The following AGTPBP1 variants were observed in gnomAD, a reference collection of about 807,000 sequenced individuals.
AGTPBP1 encodes cytosolic carboxypeptidase 1.
Under a neutral mutation model 143.9 loss-of-function variants are expected in AGTPBP1, and 70 were observed. The ratio of observed to expected loss-of-function variants is 0.49; its 90% CI spans 0.40 to 0.59. AGTPBP1 has a LOEUF of 0.59. AGTPBP1 is among the 20% of genes least tolerant of loss of function. AGTPBP1 has a pLI of 0.00. For missense variants in AGTPBP1, 1,229 were observed against 1,464.5 expected (o/e 0.84, Z 2.62); for synonymous variants, 463 against 500.2 (o/e 0.93, Z 0.99).
intron 25 of AGTPBP1, among the ~76,000 whole-genome samples, chr9:85,552,802 G>A (rs13302199): frequency 0.039 from 5,977 of 152,230 alleles, 149 homozygotes; most frequent in Middle Eastern, 0.12. Context: ...CTTTAACTCT[G>A]AACTCTTAAC....
chr9:85,716,609 A>G (rs563897888), intron 1 of AGTPBP1, among the ~76,000 whole-genome samples: 1 of 152,268 alleles, frequency 6.6e-6, no homozygotes, highest in South Asian at 2.1e-4. Flanking sequence ...TGATAATTCT[A>G]CTTTTAAAAT....
rs76452090 is a variant in AGTPBP1 at position 85,630,191 on chromosome 9, G to A, written c.2015+2471C>T. 3.9e-3 allele frequency among the ~76,000 whole-genome samples: 601 copies of A among 152,250 alleles called. 11 individuals carry two copies. The highest frequency in any genetic ancestry group is 0.029 in the Admixed American group (446 of 15,286). Reference sequence around the variant, plus strand: ...GACTCTGACTCACTCCAGGTGGGTCGTTCAGATTCTTCAAAAAGCAGATGC... The same window carrying A: ...GACTCTGACTCACTCCAGGTGGGTCATTCAGATTCTTCAAAAAGCAGATGC... On this transcript the variant is annotated intron_variant, in intron 14 of 25. Coordinates refer to ENST00000357081, the MANE Select transcript of AGTPBP1 (RefSeq NM_001330701.2).
At chr9:85,727,656 G>A (rs945308663) in intron 1 of AGTPBP1, among the ~76,000 whole-genome samples, 1 of 152,000 alleles carries the variant, frequency 6.6e-6, no homozygotes, top group African/African-American at 2.4e-5. Context: ...ATGAAGAATG[G>A]CCCAATCTAC....
Position 85,687,132 on chromosome 9 carries a change from A to G in AGTPBP1, c.157+5557T>C, listed in dbSNP as rs190364624. Among the ~76,000 whole-genome samples, 79 of 152,324 alleles carry G rather than the reference A, an allele frequency of 5.2e-4. 1 individual carries two copies. The highest frequency in any genetic ancestry group is 1.5e-3 in the African/African-American group (64 of 41,576). On this transcript the variant is annotated intron_variant, in intron 3 of 25. Coordinates refer to ENST00000357081, the MANE Select transcript of AGTPBP1 (RefSeq NM_001330701.2). ...AATGAACTTTAAGTCTAGAACTATT[A>G]TGAGACAAAAAGCAATATTTCACAA...
At chr9:85,729,026 A>G (rs965304301) in intron 1 of AGTPBP1, among the ~76,000 whole-genome samples, 1 of 152,224 alleles carries the variant, frequency 6.6e-6, no homozygotes, top group Non-Finnish European at 1.5e-5. Context: ...AAATAACATT[A>G]ATTAAAATCA....
intron 11 of AGTPBP1, among the ~76,000 whole-genome samples, chr9:85,652,453 A>T (rs1833226677): frequency 6.6e-6 from 1 of 152,096 alleles, no homozygotes. Flanking sequence ...CGGACGCTGC[A>T]GTGAGCTGAG....
chr9:85,661,333 G>A (rs1055053587), intron 8 of AGTPBP1, among the ~76,000 whole-genome samples: 1 of 151,906 alleles, frequency 6.6e-6, no homozygotes, highest in Admixed American at 6.6e-5. Flanking sequence ...AAAATCATAC[G>A]CCGTGACTTG....
chr9:85,746,710 A>G (rs1824588453), upstream of AGTPBP1, among the ~76,000 whole-genome samples: 1 of 152,072 alleles, frequency 6.6e-6, no homozygotes, highest in Non-Finnish European at 1.5e-5. Context: ...TGACTATTGT[A>G]TACTGGAAAT....
the AGTPBP1 span, among the ~76,000 whole-genome samples, chr9:85,785,193 G>A: frequency 6.6e-6 from 1 of 152,120 alleles, no homozygotes; most frequent in Admixed American, 6.5e-5. Context: ...AATTAGCCGG[G>A]CGTGGTGGCG....
chr9:85,553,359 A>G (rs1826143430), intron 25 of AGTPBP1, among the ~76,000 whole-genome samples: 1 of 152,256 alleles, frequency 6.6e-6, no homozygotes, highest in African/African-American at 2.4e-5. Flanking sequence ...ATTTCAGTAT[A>G]ATATTCAATA....
upstream of AGTPBP1, among the ~76,000 whole-genome samples, chr9:85,745,399 T>C (rs1044896343): frequency 1.4e-4 from 21 of 152,332 alleles, no homozygotes; most frequent in Middle Eastern, 3.4e-3. Context: ...CAACCATTTA[T>C]TGAGCACCTC....
the AGTPBP1 span, among the ~76,000 whole-genome samples, chr9:85,762,042 A>G: frequency 6.6e-6 from 1 of 152,264 alleles, no homozygotes; most frequent in Non-Finnish European, 1.5e-5. Context: ...ACTGGTCGTC[A>G]GAGAAATGCA....
At chr9:85,794,181 T>C in the AGTPBP1 span, among the ~76,000 whole-genome samples, 2 of 152,294 alleles carry the variant, frequency 1.3e-5, no homozygotes, top group Non-Finnish European at 2.9e-5. Context: ...GATCAAAAAA[T>C]GCTCTTCTAA....
intron 12 of AGTPBP1, among the ~76,000 whole-genome samples, chr9:85,644,241 A>G (rs1403704442): frequency 6.6e-6 from 1 of 151,888 alleles, no homozygotes; most frequent in Admixed American, 6.6e-5. Flanking sequence ...TTACATTAAT[A>G]TGTAATTTAA....
chr9:85,794,749 A>C, the AGTPBP1 span, among the ~76,000 whole-genome samples: 2 of 152,212 alleles, frequency 1.3e-5, no homozygotes, highest in African/African-American at 4.8e-5. Flanking sequence ...CTGCCATCTT[A>C]GCAATATTCA....
chr9:85,547,243 C>T lies in AGTPBP1; in HGVS notation c.3547G>A (p.Glu1183Lys). The T allele has an allele frequency of 6.2e-7, 1 of 1,613,168 alleles. No individual in the cohort carries two copies. The change falls in exon 26 of 26, where the codon GAA becomes AAA. Residue 1183 changes from glutamate (E) to lysine (K), a missense_variant. By Grantham distance (56) the Glu-to-Lys change is moderately conservative. Transcript: ENST00000357081. Reference sequence around the variant, plus strand: ...CTTTCTGCACTGTAATCAACTTCTTCAAGGAATCGAGGTTCATCTTCATCC... The same window carrying T: ...CTTTCTGCACTGTAATCAACTTCTTTAAGGAATCGAGGTTCATCTTCATCC... ...VLDEDEPRFL[E>K]EVDYSAESND...
At chr9:85,677,699 A>C (rs1245465020) in intron 5 of AGTPBP1, 117 bp from the exon 6 acceptor site, 1 of 873,702 alleles carries the variant, frequency 1.1e-6, no homozygotes, top group African/African-American at 1.8e-5. Flanking sequence ...AAAACTGATG[A>C]CCTCTAAAAT....
Position 85,575,360 on chromosome 9 carries a change from AGCAGG to A in AGTPBP1, c.3453_3457del (p.Leu1152Ter). On this transcript the variant is annotated frameshift_variant, in exon 25 of 26. Coordinates refer to ENST00000357081, the MANE Select transcript of AGTPBP1 (RefSeq NM_001330701.2). LOFTEE classifies it high-confidence loss of function. ...TTCAATTAAATCATTTTCAAAGTCA[AGCAGG>A]CTGGAAGGCAGATTATACTCCAATG... The A allele has an allele frequency of 6.2e-7, 1 of 1,602,282 alleles. No homozygotes were observed. Among genetic ancestry groups the A allele is most frequent in the Non-Finnish European group, 8.5e-7 (1 of 1,176,772 alleles).
At chr9:85,669,618 T>C (rs975733709) in intron 7 of AGTPBP1, 40 bp from the exon 8 acceptor site, 5 of 1,419,174 alleles carry the variant, frequency 3.5e-6, no homozygotes, top group East Asian at 2.3e-5. Flanking sequence ...ATTTTAAGGT[T>C]TGACAACCAA....
Sources: allele counts gnomAD v4.1 joint callset (sites outside exome capture counted in the v4.1 genomes callset), GRCh38; gene constraint gnomAD v4.1.1; transcripts MANE v1.5; gene names NCBI Gene and HGNC (gene_info 2026-07-23, HGNC 2026-07-21).